CSGALNACT1: variants seen among roughly 807,000 people sequenced by gnomAD.
CSGALNACT1 encodes beta4GalNAcT-1.
Under a neutral mutation model 51.0 loss-of-function variants are expected in CSGALNACT1, and 52 were observed. The ratio of observed to expected loss-of-function variants is 1.02; its 90% CI spans 0.82 to 1.29. The LOEUF (loss-of-function observed/expected upper bound fraction) is 1.29. CSGALNACT1 is among the 50% of genes most tolerant of loss of function. CSGALNACT1 has a pLI of 0.00. For synonymous variants in CSGALNACT1, 341 were observed against 254.4 expected (o/e 1.34, Z -3.24); for missense variants, 935 against 679.2 (o/e 1.38, Z -4.19).
At chr8:19,663,837 A>G (rs1325600777) in intron 1 of CSGALNACT1, among the ~76,000 whole-genome samples, 2 of 152,254 alleles carry the variant, frequency 1.3e-5, no homozygotes, top group South Asian at 4.1e-4. Flanking sequence ...CTTCTCCTCC[A>G]TCCCACAATT....
intron 5 of CSGALNACT1, among the ~76,000 whole-genome samples, chr8:19,453,675 G>A (rs1415210522): frequency 6.6e-6 from 1 of 152,212 alleles, no homozygotes; most frequent in Non-Finnish European, 1.5e-5. Context: ...ATTTTGGGAG[G>A]CTGAGGTGGG....
intron 4 of CSGALNACT1, among the ~76,000 whole-genome samples, chr8:19,469,576 T>C (rs1049300897): frequency 2.6e-5 from 4 of 152,076 alleles, no homozygotes; most frequent in Admixed American, 6.6e-5. Flanking sequence ...TCCTTGAAAA[T>C]GTCAAGTTTA....
At chr8:19,698,770 CA>C (rs34418188) in intron 1 of CSGALNACT1, among the ~76,000 whole-genome samples, 48,154 of 151,246 alleles carry the variant, frequency 0.32, 7,802 homozygotes, top group Middle Eastern at 0.43. Context: ...GGATAACCCA[CA>C]AAAAAAAATC....
At chr8:19,735,042 A>T (rs962872982) in intron 1 of CSGALNACT1, among the ~76,000 whole-genome samples, 3 of 152,092 alleles carry the variant, frequency 2.0e-5, no homozygotes, top group Admixed American at 6.5e-5. Flanking sequence ...GACAAGGGGC[A>T]ATGTCTAGGG....
chr8:19,573,114 G>T (rs992836558), intron 3 of CSGALNACT1, among the ~76,000 whole-genome samples: 3 of 152,182 alleles, frequency 2.0e-5, no homozygotes, highest in East Asian at 1.9e-4. Flanking sequence ...TCCCATGGCG[G>T]TAGCATTCGG....
chr8:19,546,646 G>C lies in CSGALNACT1; in HGVS notation c.-296-40516C>G, dbSNP rs184833723. 3.6e-3 allele frequency among the ~76,000 whole-genome samples: 553 copies of C among 152,272 alleles called. 1 individual carries two copies. The highest frequency in any genetic ancestry group is 0.012 in the African/African-American group (513 of 41,560). On this transcript the variant is annotated intron_variant, in intron 3 of 9. Transcript: ENST00000454498. ...CCAAGTCAGTATTCTCATGAATATT[G>C]TTTCTTCCCCCTACCCATTCTTGGG...
At chr8:19,744,417 T>G (rs929225720) in intron 1 of CSGALNACT1, among the ~76,000 whole-genome samples, 17 of 152,354 alleles carry the variant, frequency 1.1e-4, no homozygotes, top group South Asian at 2.1e-4. Context: ...CTTTTGCTGA[T>G]GTCAGAATCC....
chr8:19,682,413 C>T (rs2060685837), intron 1 of CSGALNACT1: 1 of 339,298 alleles, frequency 2.9e-6, no homozygotes, highest in South Asian at 2.3e-5. Flanking sequence ...CAGCACTCCC[C>T]AAACAGAAAG....
chr8:19,652,723 C>G (rs138157558), intron 1 of CSGALNACT1, among the ~76,000 whole-genome samples: 52 of 152,290 alleles, frequency 3.4e-4, no homozygotes, highest in African/African-American at 1.1e-3. Flanking sequence ...ACTTAAAATC[C>G]CTGTGTTAAT....
At chr8:19,544,090 A>T (rs371699762) in intron 3 of CSGALNACT1, among the ~76,000 whole-genome samples, 59 of 107,320 alleles carry the variant, frequency 5.5e-4, no homozygotes, top group South Asian at 8.1e-4. Context: ...TTTTTTTTTT[A>T]AACAAGTTGT....
intron 4 of CSGALNACT1, among the ~76,000 whole-genome samples, chr8:19,484,849 A>T (rs1563666028): frequency 6.6e-6 from 1 of 152,104 alleles, no homozygotes; most frequent in Admixed American, 6.5e-5. Context: ...TAAAAGGAGG[A>T]CATTTGGACA....
chr8:19,682,623 A>G (rs551217247), upstream of CSGALNACT1: 43 of 453,998 alleles, frequency 9.5e-5, no homozygotes, highest in African/African-American at 8.2e-4. Flanking sequence ...GAGCCCAAAG[A>G]TTGTGTAAAA....
chr8:19,477,058 A>G (rs978839313), intron 4 of CSGALNACT1, among the ~76,000 whole-genome samples: 2 of 152,242 alleles, frequency 1.3e-5, no homozygotes, highest in African/African-American at 4.8e-5. Flanking sequence ...TAATGCAGCA[A>G]TAACTGGAAC....
intron 6 of CSGALNACT1, among the ~76,000 whole-genome samples, chr8:19,425,375 C>T (rs1167399379): frequency 6.6e-6 from 1 of 152,192 alleles, no homozygotes; most frequent in East Asian, 1.9e-4. Flanking sequence ...CATTTTCCTG[C>T]TGTTCACTGA....
At chr8:19,509,226 G>A (rs1047266546) in intron 3 of CSGALNACT1, among the ~76,000 whole-genome samples, 3 of 152,198 alleles carry the variant, frequency 2.0e-5, no homozygotes, top group Non-Finnish European at 1.5e-5. Flanking sequence ...GAGGCTGGGA[G>A]TATCTGCTTC....
intron 1 of CSGALNACT1, among the ~76,000 whole-genome samples, chr8:19,660,890 G>A (rs991222281): frequency 5.9e-5 from 9 of 152,022 alleles, no homozygotes; most frequent in Admixed American, 5.9e-4. Context: ...TATGGCACAA[G>A]GACCGTTCAG....
intron 3 of CSGALNACT1, among the ~76,000 whole-genome samples, chr8:19,547,205 T>C (rs952187759): frequency 2.6e-5 from 4 of 152,182 alleles, no homozygotes; most frequent in Admixed American, 6.5e-5. Flanking sequence ...AGTCTGCTCC[T>C]CCTTTGCTGG....
chr8:19,452,958 T>A (rs1205592815), intron 5 of CSGALNACT1, among the ~76,000 whole-genome samples: 1 of 152,054 alleles, frequency 6.6e-6, no homozygotes, highest in South Asian at 2.1e-4. Context: ...CCTCAAAATA[T>A]GCACAACAAT....
At chr8:19,442,472 A>C (rs548971210) in intron 5 of CSGALNACT1, among the ~76,000 whole-genome samples, 5 of 151,942 alleles carry the variant, frequency 3.3e-5, no homozygotes, top group South Asian at 4.2e-4. Context: ...TCATAAGGAC[A>C]AAAAACCAAA....
Sources: allele counts gnomAD v4.1 joint callset (sites outside exome capture counted in the v4.1 genomes callset), GRCh38; gene constraint gnomAD v4.1.1; transcripts MANE v1.5; gene names NCBI Gene and HGNC (gene_info 2026-07-23, HGNC 2026-07-21).